Variants in ZNF697 observed in about 807,000 individuals in gnomAD.
ZNF697 encodes zinc finger protein 697.
Under a neutral mutation model 32.4 loss-of-function variants are expected in ZNF697, and 23 were observed. That is an observed-to-expected ratio of 0.71 (90% confidence interval 0.51 to 1.01). The LOEUF (loss-of-function observed/expected upper bound fraction) is 1.01. Ranked by LOEUF, ZNF697 falls within the 50% of genes least tolerant of loss-of-function variation. The pLI is 0.00. For synonymous variants in ZNF697, 418 were observed against 337.2 expected, an observed-to-expected ratio of 1.24 and a Z score of -2.62; for missense variants, 930 against 794.0, an observed-to-expected ratio of 1.17 and a Z score of -2.06.
rs1248820502 is a variant in ZNF697, at chr1:119,623,146, G to A, written c.1197C>T (p.His399=). The change falls in exon 3 of 3, where the codon CAC becomes CAT. Residue 399 remains histidine, a synonymous_variant. Transcript: ENST00000421812. ...RFSWRSDLVK[H]QRVHTGEKPY... ...GCTTCTCGCCCGTGTGCACGCGCTG[G>A]TGCTTCACCAAGTCCGAGCGCCAGC... The A allele has an allele frequency of 1.6e-5, 25 of 1,589,654 alleles. No homozygotes were observed. Among genetic ancestry groups the A allele is most frequent in the Non-Finnish European group, 2.1e-5 (24 of 1,168,554 alleles).
Position 119,623,075 on chromosome 1 carries a change from T to A in ZNF697, c.1268A>T (p.His423Leu). The A allele has an allele frequency of 6.3e-7, 1 of 1,584,928 alleles. No homozygotes were observed. The highest frequency in any genetic ancestry group is 8.6e-7 in the Non-Finnish European group (1 of 1,165,998). The change falls in exon 3 of 3, where the codon CAC becomes CTC. Residue 423 changes from histidine (H) to leucine (L), a missense_variant. Coordinates refer to ENST00000421812, the MANE Select transcript of ZNF697 (RefSeq NM_001080470.2). ...GTGCGTGCGCTTGTGCGTGAAGAGG[T>A]GCGAGCTGACGCTGAAGGTCTCGCC... is the stretch of plus-strand genomic sequence containing the variant. The part of the protein sequence containing the change: ...ECGETFSVSS[H>L]LFTHKRTHSG...
Position 119,622,657 on chromosome 1 carries a change from C to G in ZNF697, c.*48G>C. On this transcript the variant is annotated 3_prime_UTR_variant, in exon 3 of 3. Coordinates refer to ENST00000421812, the MANE Select transcript of ZNF697 (RefSeq NM_001080470.2). Reference sequence around the variant, plus strand: ...TTCCCCTGGGTCAGTCCCAGGATATCTACCCCCCACAGGCTCCCCAGACGG... The same window carrying G: ...TTCCCCTGGGTCAGTCCCAGGATATGTACCCCCCACAGGCTCCCCAGACGG... 4.8e-6 allele frequency: 7 copies of G among 1,463,722 alleles called. No individual in the cohort carries two copies. The highest frequency in any genetic ancestry group is 6.3e-6 in the Non-Finnish European group (7 of 1,108,902). 90.7% of individuals were successfully genotyped at this position (1,463,722 alleles called of 1,614,324 possible). A position where few individuals can be genotyped will look rare whatever the true frequency, so the allele number is the denominator to read the frequency against.
At chr1:119,639,305 A>G (rs1281568006) in intron 1 of ZNF697, among the ~76,000 whole-genome samples, 18 of 152,162 alleles carry the variant, frequency 1.2e-4, no homozygotes, top group Non-Finnish European at 1.0e-4. Context: ...ATGCACCTAC[A>G]TGTCACTACT....
At position 119,623,587 on chromosome 1, in the gene ZNF697, C is replaced by G. The variant is rs955018686; in HGVS notation, c.756G>C (p.Leu252=). The change falls in exon 3 of 3, where the codon CTG becomes CTC. Residue 252 remains leucine (L), a synonymous_variant. Coordinates refer to ENST00000421812, the MANE Select transcript of ZNF697 (RefSeq NM_001080470.2). ...VAGGFGAGPP[L]ARPPREKPFR... is the part of the protein sequence containing the mutation. ...AGGGCTTTTCGCGCGGGGGCCGGGC[C>G]AGCGGGGGCCCGGCCCCGAAGCCCC... is the stretch of plus-strand genomic sequence containing the variant. 5.6e-6 allele frequency: 8 copies of G among 1,440,476 alleles called. No homozygotes were observed. The highest frequency in any genetic ancestry group is 1.5e-5 in the African/African-American group (1 of 65,634). The allele number at this position is 1,440,476 out of a possible 1,614,324, so 89.2% of individuals were successfully genotyped here.
chr1:119,623,064 G>C lies in ZNF697; in HGVS notation c.1279C>G (p.His427Asp). ...TFSVSSHLFTHKRTHSGERPY... is the reference protein window; with the variant it reads ...TFSVSSHLFTDKRTHSGERPY... Reference sequence around the variant, plus strand: ...CGCTCACCCGAGTGCGTGCGCTTGTGCGTGAAGAGGTGCGAGCTGACGCTG... The same window carrying C: ...CGCTCACCCGAGTGCGTGCGCTTGTCCGTGAAGAGGTGCGAGCTGACGCTG... The change falls in exon 3 of 3, where the codon CAC becomes GAC. Residue 427 changes from histidine (H) to aspartate (D), a missense_variant. Coordinates refer to ENST00000421812, the MANE Select transcript of ZNF697 (RefSeq NM_001080470.2). 6.3e-7 allele frequency: 1 copy of C among 1,586,278 alleles called. No homozygotes were observed. The highest frequency in any genetic ancestry group is 8.6e-7 in the Non-Finnish European group (1 of 1,166,596).
In ZNF697 at chr1:119,630,639, G is replaced by A. The variant is rs764827636; in HGVS notation, c.-37-4502C>T. Among the ~76,000 whole-genome samples, 38 of 152,182 alleles carry A rather than the reference G, an allele frequency of 2.5e-4. 1 individual carries two copies. The highest frequency in any genetic ancestry group is 4.6e-4 in the Non-Finnish European group (31 of 68,042). On this transcript the variant is annotated intron_variant, in intron 1 of 2. Coordinates refer to ENST00000421812, the MANE Select transcript of ZNF697 (RefSeq NM_001080470.2). ...AGAGCAGAGGTGAATGTGATAAAGT[G>A]TCTCTAAAAAGAGAAAAAGACTCCA...
Position 119,623,752 on chromosome 1 carries a change from G to A in ZNF697, c.591C>T (p.Ser197=), listed in dbSNP as rs1160938654. The A allele has an allele frequency of 1.9e-6, 3 of 1,540,888 alleles. No homozygotes were observed. The Admixed American group carries it at 5.9e-5, about 30-fold the overall frequency. Residue 197 remains serine (S), a synonymous_variant, in exon 3 of 3, where the codon AGC becomes AGT. Transcript: ENST00000421812. Reference sequence around the variant, plus strand: ...GCAGGAAGGCGGCGCCAGGACTGAAGCTCTCCCCGCAGTCGGGGCAGATGG... The same window carrying A: ...GCAGGAAGGCGGCGCCAGGACTGAAACTCTCCCCGCAGTCGGGGCAGATGG... ...APTICPDCGE[S]FSPGAAFLQH...
rs1648423224 is a variant in ZNF697, at chr1:119,623,306, C to G, written c.1037G>C (p.Gly346Ala). Residue 346 changes from glycine (G) to alanine (A), a missense_variant, in exon 3 of 3, where the codon GGG (glycine) becomes GCG (alanine). Gly to Ala is a moderately conservative substitution (Grantham distance 60). Coordinates refer to ENST00000421812, the MANE Select transcript of ZNF697 (RefSeq NM_001080470.2). ...RRAHAAASGAGAAALRPFACG... is the reference protein window; with the variant it reads ...RRAHAAASGAAAAALRPFACG... ...GGCGAAGGGCCGCAGCGCCGCCGCC[C>G]CCGCGCCGCTGGCCGCCGCGTGCGC... 7.5e-7 allele frequency: 1 copy of G among 1,328,056 alleles called. No individual in the cohort carries two copies. The highest frequency in any genetic ancestry group is 1.9e-5 in the South Asian group (1 of 53,260). The allele number at this position is 1,328,056 out of a possible 1,614,324, so 82.3% of individuals were successfully genotyped here. A position where few individuals can be genotyped will look rare whatever the true frequency, so the allele number is the denominator to read the frequency against.
chr1:119,637,645 C>A (rs1223434551), intron 1 of ZNF697, among the ~76,000 whole-genome samples: 1 of 152,128 alleles, frequency 6.6e-6, no homozygotes, highest in African/African-American at 2.4e-5. Flanking sequence ...TGTTTTCTTC[C>A]TGACTCCTGA....
chr1:119,626,085 T>G lies in ZNF697; in HGVS notation c.16A>C (p.Asn6His), dbSNP rs760902338. 6.2e-7 allele frequency: 1 copy of G among 1,613,906 alleles called. No homozygotes were observed. Among genetic ancestry groups the G allele is most frequent in the East Asian group, 2.2e-5 (1 of 44,878 alleles). The change falls in exon 2 of 3, where the codon AAT becomes CAT. Residue 6 changes from asparagine (N) to histidine (H), a missense_variant. Transcript: ENST00000421812. MKQED[N>H]QGVCAHQDSE... Reference sequence around the variant, plus strand: ...TCCTGGTGTGCACAGACACCCTGATTATCTTCTTGTTTCATCCAGGAAGAA... The same window carrying G: ...TCCTGGTGTGCACAGACACCCTGATGATCTTCTTGTTTCATCCAGGAAGAA...
In ZNF697 at chr1:119,622,816, G is replaced by T. The variant is rs1490015657; in HGVS notation, c.1527C>A (p.Ile509=). 3 of 1,599,906 alleles carry T rather than the reference G, an allele frequency of 1.9e-6. No individual in the cohort carries two copies. In the South Asian group the frequency reaches 3.3e-5, roughly 18 times the overall value. ...TGCCCGTGTGGATGCGGCGGTGGCG[G>T]ATCAGGTGGGAGCTCTGGATAAAGC... The part of the protein sequence containing the change: ...GKSFIQSSHL[I]RHRRIHTGNK... The change falls in exon 3 of 3, where the codon ATC becomes ATA. Residue 509 remains isoleucine, a synonymous_variant. Coordinates refer to ENST00000421812, the MANE Select transcript of ZNF697 (RefSeq NM_001080470.2).
At chr1:119,646,852 C>T (rs770908289) in intron 1 of ZNF697, among the ~76,000 whole-genome samples, 1 of 152,148 alleles carries the variant, frequency 6.6e-6, no homozygotes, top group Non-Finnish European at 1.5e-5. Flanking sequence ...GCCCACTCAT[C>T]CACCACAGCT....
chr1:119,643,152 G>A (rs587613335), intron 1 of ZNF697, among the ~76,000 whole-genome samples: 2 of 152,316 alleles, frequency 1.3e-5, no homozygotes, highest in East Asian at 1.9e-4. Context: ...TATATCTGAA[G>A]TAACTCTCTG....
chr1:119,624,809 T>G (rs1648526048), intron 2 of ZNF697, among the ~76,000 whole-genome samples: 1 of 152,046 alleles, frequency 6.6e-6, no homozygotes, highest in Non-Finnish European at 1.5e-5. Context: ...GTCGGGCTGG[T>G]CTCGATCTCC....
Position 119,623,033 on chromosome 1 carries a change from T to C in ZNF697, c.1310A>G (p.Tyr437Cys). 1 of 1,591,650 alleles carries C rather than the reference T, an allele frequency of 6.3e-7. No homozygotes were observed. The change falls in exon 3 of 3, where the codon TAC becomes TGC. Residue 437 changes from tyrosine to cysteine, a missense_variant. Tyr to Cys is a radical substitution (Grantham distance 194). Coordinates refer to ENST00000421812, the MANE Select transcript of ZNF697 (RefSeq NM_001080470.2). Reference sequence around the variant, plus strand: ...GCCCTTCCCGCACTCGCGGCACACGTAGGGCCGCTCACCCGAGTGCGTGCG... The same window carrying C: ...GCCCTTCCCGCACTCGCGGCACACGCAGGGCCGCTCACCCGAGTGCGTGCG... ...HKRTHSGERP[Y>C]VCRECGKGFG...
intron 1 of ZNF697, among the ~76,000 whole-genome samples, chr1:119,634,996 C>T (rs1047293287): frequency 2.1e-4 from 32 of 152,002 alleles, no homozygotes; most frequent in African/African-American, 7.3e-4. Context: ...AACATAACTC[C>T]CGGACAAAGG....
At chr1:119,628,881 T>G (rs1648681255) in intron 1 of ZNF697, among the ~76,000 whole-genome samples, 2 of 152,206 alleles carry the variant, frequency 1.3e-5, no homozygotes, top group African/African-American at 4.8e-5. Context: ...ACATGTATAT[T>G]TACACATGTA....
intron 1 of ZNF697, among the ~76,000 whole-genome samples, chr1:119,646,432 A>T (rs1557943542): frequency 6.6e-6 from 1 of 151,642 alleles, no homozygotes; most frequent in Non-Finnish European, 1.5e-5. Flanking sequence ...CATTATCCTC[A>T]TGGCCTCATC....
Position 119,646,322 on chromosome 1 carries a change from AACACACACACACAC to A in ZNF697, c.-38+1355_-38+1368del, listed in dbSNP as rs61339576. 2.6e-3 allele frequency among the ~76,000 whole-genome samples: 350 copies of A among 136,904 alleles called. 1 individual carries two copies. The highest frequency in any genetic ancestry group is 8.5e-3 in the African/African-American group (300 of 35,278). The allele number at this position is 136,904 out of a possible 152,430, so 89.8% of individuals were successfully genotyped here. A position where few individuals can be genotyped will look rare whatever the true frequency, so the allele number is the denominator to read the frequency against. ...TCCCTTAACAACAACCCCCACTTCCAACACACACACACACACACACACACACACACACACACACA... is the reference window on the plus strand; with the variant it reads ...TCCCTTAACAACAACCCCCACTTCCAACACACACACACACACACACACACA... On this transcript the variant is annotated intron_variant, in intron 1 of 2. Coordinates refer to ENST00000421812, the MANE Select transcript of ZNF697 (RefSeq NM_001080470.2).
Sources: gnomAD v4.1 joint callset for allele counts (sites outside exome capture counted in the v4.1 genomes callset) on GRCh38, gnomAD v4.1.1 for gene constraint, MANE v1.5 for transcripts, NCBI Gene and HGNC (gene_info 2026-07-23, HGNC 2026-07-21) for gene names.